KCTD8: variants seen among roughly 807,000 people sequenced by gnomAD.
KCTD8 encodes potassium channel tetramerization domain containing 8, also known as BTB/POZ domain-containing protein KCTD8.
Under a neutral mutation model 31.5 loss-of-function variants are expected in KCTD8, and 27 were observed. The observed-to-expected ratio is 0.86, with a 90% CI of 0.63 to 1.18. The LOEUF is 1.18. Ranked by LOEUF, KCTD8 falls within the 50% of genes most tolerant of loss-of-function variation. The pLI is 0.00. For synonymous variants in KCTD8, 290 were observed against 280.0 expected (o/e 1.04, Z -0.36); for missense variants, 658 against 647.7 (o/e 1.02, Z -0.17).
chr4:44,186,700 C>T (rs1448639524), intron 1 of KCTD8, among the ~76,000 whole-genome samples: 2 of 152,168 alleles, frequency 1.3e-5, no homozygotes, highest in Non-Finnish European at 2.9e-5. Flanking sequence ...GAGTCACCCC[C>T]GCATCACATG....
At chr4:44,202,177 T>C (rs1714170105) in intron 1 of KCTD8, among the ~76,000 whole-genome samples, 1 of 152,102 alleles carries the variant, frequency 6.6e-6, no homozygotes, top group South Asian at 2.1e-4. Context: ...AGGGAATACG[T>C]GTACACTGTT....
At chr4:44,272,050 T>C (rs541615158) in intron 1 of KCTD8, among the ~76,000 whole-genome samples, 7 of 151,588 alleles carry the variant, frequency 4.6e-5, no homozygotes, top group African/African-American at 1.7e-4. Context: ...GAGGGCATCA[T>C]GAAATGAGAA....
chr4:44,199,323 C>T (rs1714058939), intron 1 of KCTD8, among the ~76,000 whole-genome samples: 1 of 152,070 alleles, frequency 6.6e-6, no homozygotes, highest in Non-Finnish European at 1.5e-5. Context: ...ATAGAATACT[C>T]TACCCCCAAC....
intron 1 of KCTD8, among the ~76,000 whole-genome samples, chr4:44,238,109 G>A (rs1179803886): frequency 6.6e-6 from 1 of 151,962 alleles, no homozygotes; most frequent in Non-Finnish European, 1.5e-5. Context: ...TACTCTCTAT[G>A]CTCTTCGGTT....
At chr4:44,305,788 C>T (rs2109395603) in intron 1 of KCTD8, among the ~76,000 whole-genome samples, 1 of 151,866 alleles carries the variant, frequency 6.6e-6, no homozygotes. Context: ...ATAAATTAGA[C>T]ATTTATAAAA....
At chr4:44,383,418 C>T (rs1720125197) in intron 1 of KCTD8, among the ~76,000 whole-genome samples, 1 of 151,992 alleles carries the variant, frequency 6.6e-6, no homozygotes, top group African/African-American at 2.4e-5. Flanking sequence ...TGAAAATATA[C>T]TACAGACCTT....
intron 1 of KCTD8, among the ~76,000 whole-genome samples, chr4:44,341,239 T>G (rs972298427): frequency 6.6e-6 from 1 of 152,248 alleles, no homozygotes; most frequent in Non-Finnish European, 1.5e-5. Flanking sequence ...ATCTGGGTCT[T>G]CAGCAAGTCC....
chr4:44,235,909 T>A (rs2109354897), intron 1 of KCTD8, among the ~76,000 whole-genome samples: 1 of 152,086 alleles, frequency 6.6e-6, no homozygotes, highest in African/African-American at 2.4e-5. Context: ...CACTCAAAGT[T>A]CTTGATTGAG....
intron 1 of KCTD8, among the ~76,000 whole-genome samples, chr4:44,441,269 C>T (rs1287791680): frequency 6.6e-6 from 1 of 151,796 alleles, no homozygotes; most frequent in East Asian, 1.9e-4. Flanking sequence ...GTCAGTTTAT[C>T]GAGCCTACAG....
chr4:44,370,512 T>A (rs1719753726), intron 1 of KCTD8, among the ~76,000 whole-genome samples: 1 of 152,178 alleles, frequency 6.6e-6, no homozygotes, highest in Admixed American at 6.5e-5. Context: ...GCCTCAAGGA[T>A]CACAGGATTT....
At chr4:44,323,263 A>T (rs1406652191) in intron 1 of KCTD8, among the ~76,000 whole-genome samples, 4 of 151,782 alleles carry the variant, frequency 2.6e-5, no homozygotes, top group Non-Finnish European at 5.9e-5. Flanking sequence ...GGAGGTCAAG[A>T]CAGGTGGATC....
chr4:44,441,403 C>G (rs542926939), intron 1 of KCTD8, among the ~76,000 whole-genome samples: 89 of 152,168 alleles, frequency 5.8e-4, no homozygotes, highest in African/African-American at 1.9e-3. Context: ...CATAAAATAA[C>G]CCTTCCAGCA....
chr4:44,177,565 G>T (rs751893188), intron 1 of KCTD8, among the ~76,000 whole-genome samples: 1 of 152,116 alleles, frequency 6.6e-6, no homozygotes, highest in East Asian at 1.9e-4. Flanking sequence ...TGCTGTTCTC[G>T]CTATAGTGAA....
chr4:44,228,706 C>G (rs1172508069), intron 1 of KCTD8, among the ~76,000 whole-genome samples: 1 of 152,186 alleles, frequency 6.6e-6, no homozygotes, highest in African/African-American at 2.4e-5. Context: ...ATTCCTCTAT[C>G]ACAGTTTAGC....
chr4:44,276,404 A>C (rs1163827543), intron 1 of KCTD8, among the ~76,000 whole-genome samples: 1 of 151,996 alleles, frequency 6.6e-6, no homozygotes, highest in Non-Finnish European at 1.5e-5. Flanking sequence ...TTGGCCTCTT[A>C]TTCGTTTGGA....
At chr4:44,304,898 G>T (rs1047722050) in intron 1 of KCTD8, among the ~76,000 whole-genome samples, 1 of 151,856 alleles carries the variant, frequency 6.6e-6, no homozygotes, top group Non-Finnish European at 1.5e-5. Context: ...GGCTGAGGTG[G>T]GAGGATCACT....
At chr4:44,204,458 T>C (rs1714244150) in intron 1 of KCTD8, among the ~76,000 whole-genome samples, 1 of 152,200 alleles carries the variant, frequency 6.6e-6, no homozygotes, top group East Asian at 1.9e-4. Context: ...CCTGTCCTGT[T>C]CTGTTCTGTT....
intron 1 of KCTD8, chr4:44,293,353 T>C (rs1335067728): frequency 2.4e-6 from 1 of 414,066 alleles, no homozygotes; most frequent in Non-Finnish European, 4.7e-6. Context: ...TGCCCAAATT[T>C]AAAACCAGAT....
intron 1 of KCTD8, among the ~76,000 whole-genome samples, chr4:44,245,231 G>A (rs756575783): frequency 6.6e-6 from 1 of 151,928 alleles, no homozygotes; most frequent in East Asian, 1.9e-4. Context: ...GGTAAGAGAG[G>A]GAATAGGGAG....
Sources: gnomAD v4.1 joint callset for allele counts (sites outside exome capture counted in the v4.1 genomes callset) on GRCh38, gnomAD v4.1.1 for gene constraint, MANE v1.5 for transcripts, NCBI Gene and HGNC (gene_info 2026-07-23, HGNC 2026-07-21) for gene names.